Variants in PRKCB observed in about 807,000 individuals in gnomAD.
PRKCB encodes protein kinase C beta type.
PRKCB carries 13 observed loss-of-function variants against 81.5 expected under a neutral mutation model. The ratio of observed to expected loss-of-function variants is 0.16; its 90% CI spans 0.10 to 0.25. The LOEUF (loss-of-function observed/expected upper bound fraction) is 0.25, where lower values mean the gene tolerates loss of function less well. Among genes scored for constraint, PRKCB ranks in the 10% least tolerant of loss-of-function variants. The pLI is 1.00. For missense variants in PRKCB, 509 were observed against 875.7 expected, an observed-to-expected ratio of 0.58 and a Z score of 5.29; for synonymous variants, 335 against 321.4, an observed-to-expected ratio of 1.04 and a Z score of -0.45.
chr16:24,012,206 TG>T (rs1312186535), intron 3 of PRKCB, among the ~76,000 whole-genome samples: 1 of 152,206 alleles, frequency 6.6e-6, no homozygotes, highest in Non-Finnish European at 1.5e-5. Context: ...ATAGCTGACA[TG>T]TATGTAGCAC....
intron 5 of PRKCB, among the ~76,000 whole-genome samples, chr16:24,056,305 A>G (rs1965901886): frequency 6.6e-6 from 1 of 152,212 alleles, no homozygotes; most frequent in South Asian, 2.1e-4. Flanking sequence ...CACTAGTTCA[A>G]GAGGCAGCTT....
At chr16:24,161,304 G>A (rs78142703) in intron 10 of PRKCB, among the ~76,000 whole-genome samples, 2,271 of 152,206 alleles carry the variant, frequency 0.015, 48 homozygotes, top group African/African-American at 0.052. Context: ...CATATGCACA[G>A]CACGGTGTTA....
chr16:24,109,614 C>G (rs1427438090), intron 7 of PRKCB, among the ~76,000 whole-genome samples: 1 of 130,406 alleles, frequency 7.7e-6, no homozygotes, highest in East Asian at 2.1e-4. Flanking sequence ...ACGCTCCTCA[C>G]TTTCCAGACT....
intron 2 of PRKCB, among the ~76,000 whole-genome samples, chr16:23,936,237 A>G (rs1275785348): frequency 2.0e-5 from 3 of 151,078 alleles, no homozygotes; most frequent in East Asian, 1.9e-4. Context: ...AAGCACCAGC[A>G]TGGTGTAATG....
At position 24,191,786 on chromosome 16, in the gene PRKCB, C is replaced by T. The variant is rs531179485; in HGVS notation, c.1863+556C>T. ...GTCCTCTTGAACTGAAGACCCCCTC[C>T]GGGAGGGTTTGGGTGTGGAGATGGC... On this transcript the variant is annotated intron_variant, in intron 16 of 16. Coordinates refer to ENST00000643927, the MANE Select transcript of PRKCB (RefSeq NM_002738.7). Among the ~76,000 whole-genome samples, 7 of 152,250 alleles carry T rather than the reference C, an allele frequency of 4.6e-5. No homozygotes were observed. In the South Asian group the frequency reaches 1.0e-3, roughly 23 times the overall value.
chr16:24,213,567 G>T (rs1383316766), intron 16 of PRKCB, among the ~76,000 whole-genome samples: 3 of 152,200 alleles, frequency 2.0e-5, no homozygotes, highest in Admixed American at 1.3e-4. Flanking sequence ...TTTTGCACTG[G>T]TATATAGCAA....
chr16:24,211,143 G>T (rs1249140356), intron 16 of PRKCB, among the ~76,000 whole-genome samples: 1 of 152,212 alleles, frequency 6.6e-6, no homozygotes, highest in African/African-American at 2.4e-5. Flanking sequence ...CTCATTTTCT[G>T]AGACCTGAAG....
intron 2 of PRKCB, among the ~76,000 whole-genome samples, chr16:23,931,977 A>G (rs529473106): frequency 2.5e-4 from 38 of 152,342 alleles, no homozygotes; most frequent in Non-Finnish European, 3.1e-4. Flanking sequence ...TCAAATAGAC[A>G]TTATATATCT....
chr16:23,867,402 G>C (rs542240529), intron 2 of PRKCB, among the ~76,000 whole-genome samples: 5 of 152,192 alleles, frequency 3.3e-5, no homozygotes, highest in Non-Finnish European at 5.9e-5. Context: ...GATTACAGGC[G>C]TGAGCCGCTA....
rs537882705 is a variant in PRKCB, at chr16:24,069,142, C to T, written c.530-23649C>T. 2.0e-5 allele frequency among the ~76,000 whole-genome samples: 3 copies of T among 152,222 alleles called. No individual in the cohort carries two copies. The South Asian group carries it at 6.2e-4, about 32-fold the overall frequency. On this transcript the variant is annotated intron_variant, in intron 5 of 16. Transcript: ENST00000643927. ...AAAGCTGCTCTATGGCAGAGCTGAT[C>T]TGCCAGGATCTCTGGGTTTAAGCTC... is the stretch of plus-strand genomic sequence containing the variant.
At chr16:24,201,052 C>G (rs1967949304) in intron 16 of PRKCB, among the ~76,000 whole-genome samples, 1 of 152,146 alleles carries the variant, frequency 6.6e-6, no homozygotes, top group South Asian at 2.1e-4. Flanking sequence ...CACCTACCGG[C>G]ACCTCCATAG....
intron 2 of PRKCB, among the ~76,000 whole-genome samples, chr16:23,942,821 T>A (rs971837016): frequency 6.6e-6 from 1 of 152,204 alleles, no homozygotes; most frequent in African/African-American, 2.4e-5. Flanking sequence ...AAACTAAGCA[T>A]TGGGTCCCAG....
intron 5 of PRKCB, among the ~76,000 whole-genome samples, chr16:24,036,833 CA>C (rs955332059): frequency 2.6e-5 from 4 of 152,122 alleles, no homozygotes; most frequent in African/African-American, 9.7e-5. Flanking sequence ...GCTGGTGAGA[CA>C]AATATGAGAC....
chr16:24,196,965 T>G (rs1011709135), intron 16 of PRKCB, among the ~76,000 whole-genome samples: 1 of 152,168 alleles, frequency 6.6e-6, no homozygotes, highest in Non-Finnish European at 1.5e-5. Flanking sequence ...GTTTGGGTAC[T>G]AAAGGGCAGA....
intron 9 of PRKCB, among the ~76,000 whole-genome samples, chr16:24,153,036 C>T (rs567475926): frequency 6.6e-6 from 1 of 152,062 alleles, no homozygotes; most frequent in Admixed American, 6.5e-5. Flanking sequence ...AAGCTCAGCT[C>T]GGAAGCTTCA....
At chr16:24,026,916 C>T (rs1169547794) in intron 3 of PRKCB, among the ~76,000 whole-genome samples, 2 of 152,240 alleles carry the variant, frequency 1.3e-5, no homozygotes, top group Non-Finnish European at 2.9e-5. Context: ...ATTAAATCAA[C>T]TCTGCCTCCT....
chr16:23,838,928 G>A (rs537241118), intron 2 of PRKCB, among the ~76,000 whole-genome samples: 5 of 152,212 alleles, frequency 3.3e-5, no homozygotes, highest in Admixed American at 6.5e-5. Context: ...AATTTGGATT[G>A]TTTTCTAGAA....
chr16:24,025,026 C>T (rs1334102898), intron 3 of PRKCB, among the ~76,000 whole-genome samples: 1 of 152,110 alleles, frequency 6.6e-6, no homozygotes, highest in African/African-American at 2.4e-5. Flanking sequence ...CAAGTATGAT[C>T]CCTCATGAAA....
chr16:23,902,923 C>T (rs1430133637), intron 2 of PRKCB, among the ~76,000 whole-genome samples: 3 of 151,552 alleles, frequency 2.0e-5, no homozygotes, highest in Admixed American at 1.3e-4. Flanking sequence ...CCCACCTCAA[C>T]TTCTTGAGTA....
Sources: gnomAD v4.1 joint callset for allele counts (sites outside exome capture counted in the v4.1 genomes callset) on GRCh38, gnomAD v4.1.1 for gene constraint, MANE v1.5 for transcripts, NCBI Gene and HGNC (gene_info 2026-07-23, HGNC 2026-07-21) for gene names.